The following RORA variants were observed in gnomAD, a reference collection of about 807,000 sequenced individuals.
The protein encoded by RORA is RAR related orphan receptor A.
In RORA, 7 loss-of-function variants were observed where a neutral mutation model predicts 69.5. That is an observed-to-expected ratio of 0.10 (90% confidence interval 0.06 to 0.19). The LOEUF is 0.19. RORA is among the 10% of genes least tolerant of loss of function. The probability of loss-of-function intolerance (pLI) is 1.00; values close to 1 mark genes in which losing one functional copy is unlikely to be tolerated. For synonymous variants in RORA, 261 were observed against 240.8 expected, an observed-to-expected ratio of 1.08 and a Z score of -0.78; for missense variants, 457 against 663.0, an observed-to-expected ratio of 0.69 and a Z score of 3.41.
At chr15:61,137,087 GAAAGAAA>G (rs2079251833) in intron 1 of RORA, among the ~76,000 whole-genome samples, 1 of 145,326 alleles carries the variant, frequency 6.9e-6, no homozygotes, top group African/African-American at 2.6e-5. Context: ...AAGAAAGAAA[GAAAGAAA>G]GAAAGAAAAA....
At chr15:60,933,969 G>C (rs1007379388) in intron 1 of RORA, among the ~76,000 whole-genome samples, 1 of 152,244 alleles carries the variant, frequency 6.6e-6, no homozygotes, top group Non-Finnish European at 1.5e-5. Context: ...AAAGTGATGA[G>C]AAGCGCATTG....
At chr15:61,153,089 A>G (rs1291634254) in intron 1 of RORA, among the ~76,000 whole-genome samples, 1 of 152,162 alleles carries the variant, frequency 6.6e-6, no homozygotes, top group East Asian at 1.9e-4. Flanking sequence ...TATCAGAAAA[A>G]AAGTCACGAG....
At chr15:60,729,251 C>T (rs540498179) in intron 1 of RORA, among the ~76,000 whole-genome samples, 1 of 152,286 alleles carries the variant, frequency 6.6e-6, no homozygotes, top group Admixed American at 6.5e-5. Flanking sequence ...GACAAAGAGC[C>T]TCATGGATGC....
At chr15:61,091,073 T>G (rs748489844) in intron 1 of RORA, among the ~76,000 whole-genome samples, 3 of 152,216 alleles carry the variant, frequency 2.0e-5, no homozygotes, top group Non-Finnish European at 4.4e-5. Flanking sequence ...TTCTGCTCAT[T>G]AATGCTTTTC....
At chr15:60,723,844 G>A (rs986758160) in intron 1 of RORA, among the ~76,000 whole-genome samples, 2 of 152,236 alleles carry the variant, frequency 1.3e-5, no homozygotes, top group Non-Finnish European at 2.9e-5. Flanking sequence ...CAAGGAGGGT[G>A]AGAGAAAGGA....
chr15:61,036,000 G>A (rs1566955244), intron 1 of RORA, among the ~76,000 whole-genome samples: 1 of 152,220 alleles, frequency 6.6e-6, no homozygotes, highest in Non-Finnish European at 1.5e-5. Flanking sequence ...ATGAGGGAAA[G>A]GGGTTAAGAA....
intron 2 of RORA, among the ~76,000 whole-genome samples, chr15:60,632,611 T>A (rs967810893): frequency 5.9e-5 from 9 of 152,198 alleles, no homozygotes; most frequent in Non-Finnish European, 1.3e-4. Flanking sequence ...TTATTATTAT[T>A]TTTCCCCTTG....
intron 1 of RORA, among the ~76,000 whole-genome samples, chr15:60,814,816 T>A (rs984401700): frequency 2.0e-5 from 3 of 152,172 alleles, no homozygotes; most frequent in Non-Finnish European, 4.4e-5. Flanking sequence ...TAAAGGCCCA[T>A]GAGAGTATGG....
At chr15:60,532,577 C>G (rs2066558129) in intron 2 of RORA, among the ~76,000 whole-genome samples, 1 of 152,094 alleles carries the variant, frequency 6.6e-6, no homozygotes, top group Non-Finnish European at 1.5e-5. Context: ...GGAAGACCCG[C>G]AAATAACATG....
At chr15:60,874,422 C>T (rs1464145551) in intron 1 of RORA, among the ~76,000 whole-genome samples, 1 of 152,180 alleles carries the variant, frequency 6.6e-6, no homozygotes, top group Admixed American at 6.5e-5. Flanking sequence ...GGTCAGTAAA[C>T]TTCCATAAAG....
intron 1 of RORA, among the ~76,000 whole-genome samples, chr15:61,201,830 G>A (rs1279199702): frequency 6.6e-6 from 1 of 152,054 alleles, no homozygotes; most frequent in Non-Finnish European, 1.5e-5. Context: ...ACATTTCCAT[G>A]CTTACTTTTG....
chr15:61,219,236 T>C (rs570931921), intron 1 of RORA, among the ~76,000 whole-genome samples: 68 of 152,350 alleles, frequency 4.5e-4, no homozygotes, highest in South Asian at 1.0e-3. Context: ...CTTAATTTTG[T>C]ACATAATCTA....
At chr15:61,033,679 A>T (rs1052251737) in intron 1 of RORA, among the ~76,000 whole-genome samples, 1 of 150,842 alleles carries the variant, frequency 6.6e-6, no homozygotes, top group African/African-American at 2.4e-5. Context: ...TGGCTTTTGC[A>T]CATATGAAAT....
At chr15:60,778,416 C>T (rs2072206098) in intron 1 of RORA, among the ~76,000 whole-genome samples, 1 of 152,120 alleles carries the variant, frequency 6.6e-6, no homozygotes, top group South Asian at 2.1e-4. Context: ...CCATGCATTA[C>T]CTTAGGTTAT....
chr15:61,175,563 G>A (rs1474802699), intron 1 of RORA, among the ~76,000 whole-genome samples: 4 of 88,230 alleles, frequency 4.5e-5, no homozygotes, highest in Non-Finnish European at 1.1e-4. Context: ...AAAAAAACTT[G>A]CCAAGCATGG....
intron 1 of RORA, among the ~76,000 whole-genome samples, chr15:61,011,689 A>T (rs369881680): frequency 6.6e-6 from 1 of 152,344 alleles, no homozygotes; most frequent in East Asian, 1.9e-4. Flanking sequence ...TACTCTAGGC[A>T]TTGCTGGGTA....
chr15:61,112,356 A>T (rs1642816461), intron 1 of RORA, among the ~76,000 whole-genome samples: 1 of 152,188 alleles, frequency 6.6e-6, no homozygotes, highest in South Asian at 2.1e-4. Flanking sequence ...AAAGGAAAGT[A>T]GCACAGTGCC....
intron 5 of RORA, among the ~76,000 whole-genome samples, chr15:60,509,586 T>C (rs189796407): frequency 3.9e-5 from 6 of 152,300 alleles, no homozygotes; most frequent in East Asian, 1.9e-4. Flanking sequence ...GATTGAATAT[T>C]TGACAAGCAA....
intron 1 of RORA, among the ~76,000 whole-genome samples, chr15:60,691,705 G>A (rs2070828901): frequency 6.6e-6 from 1 of 152,156 alleles, no homozygotes; most frequent in East Asian, 1.9e-4. Context: ...CAAAGGTCAG[G>A]CAATCAATAG....
Sources: gnomAD v4.1 joint callset for allele counts (sites outside exome capture counted in the v4.1 genomes callset) on GRCh38, gnomAD v4.1.1 for gene constraint, MANE v1.5 for transcripts, NCBI Gene and HGNC (gene_info 2026-07-23, HGNC 2026-07-21) for gene names.